DENND5B: variants seen among roughly 807,000 people sequenced by gnomAD.
The protein encoded by DENND5B is DENN domain containing 5B.
A neutral mutation model predicts 140.6 loss-of-function variants in DENND5B; 34 were observed. That is an observed-to-expected ratio of 0.24 (90% CI 0.18 to 0.32). DENND5B has a LOEUF of 0.32. Among genes scored for constraint, DENND5B ranks in the 10% least tolerant of loss-of-function variants. The pLI, the probability that DENND5B is intolerant of heterozygous loss-of-function variation, is 1.00. For missense variants in DENND5B, 1,142 were observed against 1,560.2 expected, an observed-to-expected ratio of 0.73 and a Z score of 4.52; for synonymous variants, 551 against 562.1, an observed-to-expected ratio of 0.98 and a Z score of 0.28.
intron 9 of DENND5B, 75 bp downstream of exon 9, chr12:31,426,218 A>T: frequency 6.8e-7 from 1 of 1,478,058 alleles, no homozygotes; most frequent in Non-Finnish European, 9.0e-7. Flanking sequence ...AATGGGGGTT[A>T]ACTCAGTTCA....
chr12:31,588,603 C>A (rs1218539475), intron 1 of DENND5B, among the ~76,000 whole-genome samples: 1 of 152,086 alleles, frequency 6.6e-6, no homozygotes, highest in Non-Finnish European at 1.5e-5. Context: ...ACAAAGTGTA[C>A]AGGAAAATGT....
chr12:31,537,230 AAGAT>A (rs1357853463), intron 1 of DENND5B, among the ~76,000 whole-genome samples: 1 of 152,206 alleles, frequency 6.6e-6, no homozygotes, highest in East Asian at 1.9e-4. Context: ...AGTAGACTAA[AAGAT>A]AAATCAAAAA....
At chr12:31,497,070 T>C (rs1241803130) in intron 1 of DENND5B, among the ~76,000 whole-genome samples, 1 of 151,912 alleles carries the variant, frequency 6.6e-6, no homozygotes, top group Admixed American at 6.6e-5. Flanking sequence ...ATTTGACTTC[T>C]AGTTAGACTC....
intron 3 of DENND5B, among the ~76,000 whole-genome samples, chr12:31,461,603 T>C (rs1402282303): frequency 2.6e-5 from 4 of 152,218 alleles, no homozygotes; most frequent in Non-Finnish European, 4.4e-5. Context: ...CAGTATCCTA[T>C]AATTAAATAC....
At chr12:31,484,631 T>C (rs557943129) in intron 2 of DENND5B, among the ~76,000 whole-genome samples, 6 of 152,114 alleles carry the variant, frequency 3.9e-5, no homozygotes, top group African/African-American at 1.2e-4. Flanking sequence ...TGAAATCCTG[T>C]CTCTACTAAA....
chr12:31,551,203 A>G (rs939335406), intron 1 of DENND5B, among the ~76,000 whole-genome samples: 1 of 152,144 alleles, frequency 6.6e-6, no homozygotes, highest in African/African-American at 2.4e-5. Flanking sequence ...TAGGTCTAAC[A>G]TTTAAGTCTT....
At chr12:31,417,820 A>T (rs149219326) in intron 11 of DENND5B, among the ~76,000 whole-genome samples, 54 of 152,330 alleles carry the variant, frequency 3.5e-4, no homozygotes, top group African/African-American at 1.2e-3. Context: ...CATCATACTC[A>T]GCAAATACAC....
chr12:31,527,846 T>C (rs965647256), intron 1 of DENND5B, among the ~76,000 whole-genome samples: 3 of 152,158 alleles, frequency 2.0e-5, no homozygotes, highest in Non-Finnish European at 4.4e-5. Context: ...CTATATGGTA[T>C]TCTTGGAAAA....
At chr12:31,548,554 A>G (rs548726444) in intron 1 of DENND5B, among the ~76,000 whole-genome samples, 1 of 152,352 alleles carries the variant, frequency 6.6e-6, no homozygotes, top group African/African-American at 2.4e-5. Flanking sequence ...CTAGTTCAAT[A>G]AACAAATAAA....
At position 31,399,755 on chromosome 12, in the gene DENND5B, C is replaced by T; in HGVS notation, c.2967G>A (p.Lys989=). The T allele has an allele frequency of 1.9e-6, 3 of 1,613,744 alleles. No homozygotes were observed. The highest frequency in any genetic ancestry group is 8.5e-7 in the Non-Finnish European group (1 of 1,179,814). The change falls in exon 16 of 21, where the codon AAG becomes AAA. Residue 989 remains lysine (K), a synonymous_variant. Transcript: ENST00000389082. ...CGTGACCAATCTGAACAGTGGTCAGCTTCCCCAAGTTCTGGCACTGTAGGG... is the reference window on the plus strand; with the variant it reads ...CGTGACCAATCTGAACAGTGGTCAGTTTCCCCAAGTTCTGGCACTGTAGGG... The part of the protein sequence containing the change: ...EMTFECQNLG[K]LTTVQIGHDN...
At chr12:31,504,353 G>A (rs1947114930) in intron 1 of DENND5B, among the ~76,000 whole-genome samples, 2 of 152,166 alleles carry the variant, frequency 1.3e-5, no homozygotes. Context: ...GAATGTAGAT[G>A]ATGTTAGAAT....
At chr12:31,565,935 A>C (rs938678111) in intron 1 of DENND5B, among the ~76,000 whole-genome samples, 2 of 152,030 alleles carry the variant, frequency 1.3e-5, no homozygotes, top group Admixed American at 1.3e-4. Flanking sequence ...TGAACCCAGG[A>C]GTTTGAGACC....
Position 31,442,755 on chromosome 12 carries a change from C to A in DENND5B, c.2012+20G>T, listed in dbSNP as rs1944091838. The A allele has an allele frequency of 6.2e-7, 1 of 1,608,126 alleles. No individual in the cohort carries two copies. The highest frequency in any genetic ancestry group is 1.7e-5 in the Admixed American group (1 of 59,540). On this transcript the variant is annotated intron_variant, in intron 7 of 20. Transcript: ENST00000389082. ...TCATTCATTCCTTCAACCAACTACTCAAGTGAAGAACATGCTTACTTGTTA... is the reference window on the plus strand; with the variant it reads ...TCATTCATTCCTTCAACCAACTACTAAAGTGAAGAACATGCTTACTTGTTA...
At chr12:31,533,345 T>C (rs1219177312) in intron 1 of DENND5B, among the ~76,000 whole-genome samples, 1 of 152,246 alleles carries the variant, frequency 6.6e-6, no homozygotes, top group African/African-American at 2.4e-5. Context: ...GCATTTACAT[T>C]GTATTAGCTA....
At chr12:31,492,944 C>T (rs1449113214) in intron 2 of DENND5B, among the ~76,000 whole-genome samples, 1 of 152,240 alleles carries the variant, frequency 6.6e-6, no homozygotes, top group East Asian at 1.9e-4. Flanking sequence ...AAAATAACCA[C>T]ATTGTACTCT....
intron 2 of DENND5B, among the ~76,000 whole-genome samples, chr12:31,491,314 G>A (rs569022247): frequency 3.3e-5 from 5 of 152,224 alleles, no homozygotes; most frequent in Admixed American, 1.3e-4. Context: ...TTAGCCAGGC[G>A]TGATGGTGCG....
Position 31,398,349 on chromosome 12 carries a change from G to GC in DENND5B, c.3081dup (p.Arg1028AlafsTer8). On this transcript the variant is annotated frameshift_variant, in exon 17 of 21. Transcript: ENST00000389082. LOFTEE classifies it high-confidence loss of function. ...TCATCAATGCCTTTCCCCAGCCACC[G>GC]CCCACATGGGAATCTGGTAGGACAG... 6.5e-7 allele frequency: 1 copy of GC among 1,543,752 alleles called. No homozygotes were observed. Among genetic ancestry groups the GC allele is most frequent in the Non-Finnish European group, 8.7e-7 (1 of 1,145,198 alleles).
At chr12:31,576,352 C>T (rs1456527585) in intron 1 of DENND5B, among the ~76,000 whole-genome samples, 1 of 150,350 alleles carries the variant, frequency 6.7e-6, no homozygotes, top group Non-Finnish European at 1.5e-5. Context: ...AATCGGGAGG[C>T]TGAGGCATCA....
intron 2 of DENND5B, among the ~76,000 whole-genome samples, chr12:31,490,259 G>T (rs1371468645): frequency 6.6e-6 from 1 of 151,792 alleles, no homozygotes. Flanking sequence ...GGGTGGCGGG[G>T]GCAAAAGGGT....
Sources: gnomAD v4.1 joint callset for allele counts (sites outside exome capture counted in the v4.1 genomes callset) on GRCh38, gnomAD v4.1.1 for gene constraint, MANE v1.5 for transcripts, NCBI Gene and HGNC (gene_info 2026-07-23, HGNC 2026-07-21) for gene names.